The following A4GALT variants were observed in gnomAD, a reference collection of about 807,000 sequenced individuals.
A4GALT encodes the protein alpha 1,4-galactosyltransferase (P1PK blood group).
For missense variants in A4GALT, 512 were observed against 486.0 expected (o/e 1.05, Z -0.50); for synonymous variants, 257 against 220.7 (o/e 1.16, Z -1.46).
At chr22:42,713,310 A>C (rs1243774362) in intron 1 of A4GALT, among the ~76,000 whole-genome samples, 1 of 152,146 alleles carries the variant, frequency 6.6e-6, no homozygotes, top group African/African-American at 2.4e-5. Context: ...TTTCTGCTCA[A>C]CCTCGTGCAA....
intron 1 of A4GALT, among the ~76,000 whole-genome samples, chr22:42,700,974 T>C (rs1048696497): frequency 6.6e-6 from 1 of 152,178 alleles, no homozygotes; most frequent in Non-Finnish European, 1.5e-5. Context: ...CTCTTTATCA[T>C]GCTCCCAGTC....
At position 42,693,422 on chromosome 22, in the gene A4GALT, G is replaced by T. The variant is rs764245973; in HGVS notation, c.530C>A (p.Ala177Asp). The stretch of plus-strand genomic sequence containing the variant: ...CTTCCACATGAGTGCGATCCTGGAG[G>T]CGTCGGAGAGCACGGGCAGCAGGTA... ...EPYLLPVLSD[A>D]SRIALMWKFG... is the part of the protein sequence containing the mutation. The change falls in exon 3 of 3, where the codon GCC becomes GAC. Residue 177 changes from alanine to aspartate, a missense_variant. Coordinates refer to ENST00000642412, the MANE Select transcript of A4GALT (RefSeq NM_017436.7). 2.5e-6 allele frequency: 4 copies of T among 1,613,236 alleles called. No homozygotes were observed. The highest frequency in any genetic ancestry group is 3.4e-6 in the Non-Finnish European group (4 of 1,180,020).
At chr22:42,707,011 T>C (rs960224387) in intron 1 of A4GALT, among the ~76,000 whole-genome samples, 26 of 152,132 alleles carry the variant, frequency 1.7e-4, no homozygotes, top group African/African-American at 6.3e-4. Flanking sequence ...GATACTAGGA[T>C]AAATATATCA....
At chr22:42,705,363 G>T (rs1400792378) in intron 1 of A4GALT, among the ~76,000 whole-genome samples, 1 of 152,170 alleles carries the variant, frequency 6.6e-6, no homozygotes, top group African/African-American at 2.4e-5. Context: ...CACTTTGGGG[G>T]CCCGAGGTGG....
intron 1 of A4GALT, among the ~76,000 whole-genome samples, chr22:42,705,260 G>C (rs976371154): frequency 1.3e-5 from 2 of 152,104 alleles, no homozygotes; most frequent in Non-Finnish European, 2.9e-5. Flanking sequence ...GGAAACGGGG[G>C]TGAGGAGCAC....
At chr22:42,711,758 C>T (rs1216638159) in intron 1 of A4GALT, among the ~76,000 whole-genome samples, 4 of 152,208 alleles carry the variant, frequency 2.6e-5, no homozygotes, top group Non-Finnish European at 2.9e-5. Flanking sequence ...CTCAGCCTCC[C>T]GGGTAGCTGG....
In A4GALT at chr22:42,701,448, C is replaced by T. The variant is rs143011746; in HGVS notation, c.-187-5817G>A. Among the ~76,000 whole-genome samples, 456 of 152,284 alleles carry T rather than the reference C, an allele frequency of 3.0e-3. 2 individuals are homozygous for T. Among genetic ancestry groups the T allele is most frequent in the African/African-American group, 0.01 (435 of 41,556 alleles). ...CTACCTTCTCCAGAGTCCCCATGAC[C>T]CTAAGGTCACATGTGGCTTTGAACA... On this transcript the variant is annotated intron_variant, in intron 1 of 2. Transcript: ENST00000642412.
chr22:42,697,009 T>C (rs1395970168), intron 1 of A4GALT, among the ~76,000 whole-genome samples: 1 of 150,886 alleles, frequency 6.6e-6, no homozygotes, highest in Admixed American at 6.6e-5. Flanking sequence ...CTTGCATTTA[T>C]TCTAACACAC....
intron 1 of A4GALT, among the ~76,000 whole-genome samples, chr22:42,710,776 C>G (rs1028069178): frequency 6.6e-6 from 1 of 151,968 alleles, no homozygotes; most frequent in Non-Finnish European, 1.5e-5. Context: ...AATCCTAGCA[C>G]TTTGGGAGGC....
chr22:42,694,105 A>G, intron 2 of A4GALT, 108 bp from the exon 3 acceptor site: 1 of 728,092 alleles, frequency 1.4e-6, no homozygotes, highest in African/African-American at 1.8e-5. Context: ...TTCCAAGCCC[A>G]TGGGCTCCTG....
At chr22:42,704,419 G>A (rs1602006274) in intron 1 of A4GALT, among the ~76,000 whole-genome samples, 2 of 151,900 alleles carry the variant, frequency 1.3e-5, no homozygotes, top group Non-Finnish European at 2.9e-5. Context: ...CCTGGTAGGC[G>A]GAGATTGCAG....
At position 42,719,552 on chromosome 22, in the gene A4GALT, G is replaced by A. The variant is rs755236771; in HGVS notation, c.-188+1245C>T. Among the ~76,000 whole-genome samples, 3 of 152,060 alleles carry A rather than the reference G, an allele frequency of 2.0e-5. No homozygotes were observed. The South Asian group carries it at 6.2e-4, about 32-fold the overall frequency. On this transcript the variant is annotated intron_variant, in intron 1 of 2. Coordinates refer to ENST00000642412, the MANE Select transcript of A4GALT (RefSeq NM_017436.7). ...TTTCCTTTGTATTCCTTTGATTTGGGGACCCTCTTTTGGGGGGTTGCAGCT... is the reference window on the plus strand; with the variant it reads ...TTTCCTTTGTATTCCTTTGATTTGGAGACCCTCTTTTGGGGGGTTGCAGCT...
intron 1 of A4GALT, among the ~76,000 whole-genome samples, chr22:42,708,944 CA>C (rs554754597): frequency 1.6e-3 from 249 of 151,364 alleles, no homozygotes; most frequent in African/African-American, 5.7e-3. Flanking sequence ...CATTACAAAA[CA>C]AAAGCACCAG....
In A4GALT at chr22:42,702,304, G is replaced by A. The variant is rs116122205; in HGVS notation, c.-187-6673C>T. ...CTGTTGAGGACTTGTGTCCCCCCCC[G>A]GAAAAAGGGGCTCCCCCACCAGAGG... On this transcript the variant is annotated intron_variant, in intron 1 of 2. Transcript: ENST00000642412. 7.8e-3 allele frequency among the ~76,000 whole-genome samples: 1,180 copies of A among 151,184 alleles called. 8 individuals carry two copies. The highest frequency in any genetic ancestry group is 0.016 in the African/African-American group (661 of 41,138).
At chr22:42,712,300 G>A (rs1274702752) in intron 1 of A4GALT, among the ~76,000 whole-genome samples, 3 of 152,304 alleles carry the variant, frequency 2.0e-5, no homozygotes, top group East Asian at 1.9e-4. Flanking sequence ...AGCACTGAGT[G>A]ACCTTGAATC....
chr22:42,692,998 G>T lies in A4GALT; in HGVS notation c.954C>A (p.Asn318Lys). The change falls in exon 3 of 3, where the codon AAC (asparagine) becomes AAA (lysine). Residue 318 changes from asparagine to lysine, a missense_variant. By Grantham distance (94) the Asn-to-Lys change is moderately conservative. Transcript: ENST00000642412. The surrounding 1 kb of genome is among the most constrained non-coding windows in gnomAD (Gnocchi z 4.6). ...CGAACCGCGTGCCCTGGCTCTTCTT[G>T]TTCCACACGTGGACAGCATAGGTGG... is the stretch of plus-strand genomic sequence containing the variant. ...LSATYAVHVW[N>K]KKSQGTRFEA... 4.3e-6 allele frequency: 7 copies of T among 1,613,628 alleles called. No homozygotes were observed. The highest frequency in any genetic ancestry group is 5.9e-6 in the Non-Finnish European group (7 of 1,179,986).
chr22:42,692,462 C>T lies in A4GALT; in HGVS notation c.*428G>A. On this transcript the variant is annotated 3_prime_UTR_variant, in exon 3 of 3. Coordinates refer to ENST00000642412, the MANE Select transcript of A4GALT (RefSeq NM_017436.7). The surrounding 1 kb of genome is among the most constrained non-coding windows in gnomAD (Gnocchi z 4.6). ...GCCCCGGACCCTTGGGGCTGGGTCT[C>T]CCCCAGCCCTGCCACTTTCCTACCA... The T allele has an allele frequency of 5.6e-6, 2 of 357,138 alleles. No homozygotes were observed. The highest frequency in any genetic ancestry group is 2.1e-5 in the South Asian group (1 of 48,202). 22.1% of individuals were successfully genotyped at this position (357,138 alleles called of 1,614,324 possible).
chr22:42,696,453 AACAG>A (rs1183518927), intron 1 of A4GALT, among the ~76,000 whole-genome samples: 3 of 151,586 alleles, frequency 2.0e-5, no homozygotes, highest in East Asian at 1.9e-4. Flanking sequence ...GAAAAAAGGA[AACAG>A]ACAAAGATGG....
intron 1 of A4GALT, among the ~76,000 whole-genome samples, chr22:42,698,497 CT>C (rs1931088346): frequency 6.6e-6 from 1 of 152,250 alleles, no homozygotes; most frequent in Non-Finnish European, 1.5e-5. Flanking sequence ...TCCAGCCCAG[CT>C]CAGCCTAGCA....
Sources: gnomAD v4.1 joint callset for allele counts (sites outside exome capture counted in the v4.1 genomes callset) on GRCh38, gnomAD v4.1.1 for gene constraint, Gnocchi (gnomAD v3.1) non-coding constraint, MANE v1.5 for transcripts, NCBI Gene and HGNC (gene_info 2026-07-23, HGNC 2026-07-21) for gene names.